HAUS6: variants seen among roughly 807,000 people sequenced by gnomAD.
HAUS6 encodes HAUS augmin-like complex subunit 6.
A neutral mutation model predicts 106.8 loss-of-function variants in HAUS6; 80 were observed. That is an observed-to-expected ratio of 0.75 (90% CI 0.63 to 0.90). HAUS6 has a LOEUF of 0.90. Ranked by LOEUF, HAUS6 falls within the 40% of genes least tolerant of loss-of-function variation. The pLI is 0.00. For missense variants in HAUS6, 1,155 were observed against 1,118.1 expected (o/e 1.03, Z -0.47); for synonymous variants, 356 against 379.1 (o/e 0.94, Z 0.71).
At position 19,098,890 on chromosome 9, in the gene HAUS6, C is replaced by T. The variant is rs564884938; in HGVS notation, c.129-2121G>A. ...ATACAAAATTAGCAGGGCATGGTGGCGCATGCCTAAAATCCCAGCTACTCC... is the reference window on the plus strand; with the variant it reads ...ATACAAAATTAGCAGGGCATGGTGGTGCATGCCTAAAATCCCAGCTACTCC... On this transcript the variant is annotated intron_variant, in intron 1 of 16. Transcript: ENST00000380502. Among the ~76,000 whole-genome samples, 32 of 151,798 alleles carry T rather than the reference C, an allele frequency of 2.1e-4. 1 individual carries two copies. The South Asian group carries it at 4.6e-3, about 22-fold the overall frequency.
chr9:19,078,113 T>A, intron 10 of HAUS6, 63 bp downstream of exon 10: 2 of 1,297,788 alleles, frequency 1.5e-6, no homozygotes, highest in African/African-American at 1.5e-5. Flanking sequence ...AGCAAGACAC[T>A]GTCTCAAAAA....
chr9:19,081,678 AT>A (rs1266339973), intron 8 of HAUS6, among the ~76,000 whole-genome samples: 2 of 152,084 alleles, frequency 1.3e-5, no homozygotes, highest in African/African-American at 2.4e-5. Context: ...ACCGCAAGTG[AT>A]CTACCCTCCT....
Position 19,063,003 on chromosome 9 carries a change from C to G in HAUS6, c.1629+5G>C. On this transcript the variant is annotated splice_donor_5th_base_variant and intron_variant, in intron 14 of 16. Coordinates refer to ENST00000380502, the MANE Select transcript of HAUS6 (RefSeq NM_017645.5). ...TTAAGTATACTCATTACAGTCTTTT[C>G]TCACCTCTTCTACCAGATGATCTTG... is the stretch of plus-strand genomic sequence containing the variant. The G allele has an allele frequency of 2.5e-6, 4 of 1,601,880 alleles. No homozygotes were observed. The highest frequency in any genetic ancestry group is 3.4e-6 in the Non-Finnish European group (4 of 1,171,270).
Position 19,078,168 on chromosome 9 carries a change from T to C in HAUS6, c.1191+8A>G. Reference sequence around the variant, plus strand: ...CGGGGAGGGCAGGGGCAAGTCAACATTACTTACTGGAGTCCAACCTTTAAT... The same window carrying C: ...CGGGGAGGGCAGGGGCAAGTCAACACTACTTACTGGAGTCCAACCTTTAAT... On this transcript the variant is annotated splice_region_variant and intron_variant, in intron 10 of 16. Coordinates refer to ENST00000380502, the MANE Select transcript of HAUS6 (RefSeq NM_017645.5). 1 of 1,597,886 alleles carries C rather than the reference T, an allele frequency of 6.3e-7. No homozygotes were observed. The highest frequency in any genetic ancestry group is 1.4e-5 in the African/African-American group (1 of 73,936).
At chr9:19,067,447 A>G (rs1374699060) in intron 12 of HAUS6, among the ~76,000 whole-genome samples, 1 of 152,186 alleles carries the variant, frequency 6.6e-6, no homozygotes, top group East Asian at 1.9e-4. Flanking sequence ...TTAACCATTT[A>G]TCCCTCACCA....
chr9:19,059,051 G>A, intron 15 of HAUS6, 50 bp from the exon 16 acceptor site: 1 of 963,004 alleles, frequency 1.0e-6, no homozygotes, highest in South Asian at 1.5e-5. Flanking sequence ...CAAACATAGA[G>A]CATGCAATGA....
At chr9:19,082,782 A>T in intron 8 of HAUS6, 91 bp downstream of exon 8, 1 of 718,828 alleles carries the variant, frequency 1.4e-6, no homozygotes, top group Non-Finnish European at 2.1e-6. Flanking sequence ...AAAACAAAAA[A>T]CAAATTCTGA....
At chr9:19,087,303 A>G in intron 5 of HAUS6, 147 bp from the exon 6 acceptor site, 1 of 613,934 alleles carries the variant, frequency 1.6e-6, no homozygotes, top group East Asian at 2.6e-5. Context: ...TCTCTTTATC[A>G]CACAAGTGAT....
Position 19,089,439 on chromosome 9 carries a change from A to G in HAUS6, c.557T>C (p.Val186Ala). The change falls in exon 5 of 17, where the codon GTT becomes GCT. Residue 186 changes from valine (V) to alanine (A), a missense_variant. Val to Ala is a moderately conservative substitution (Grantham distance 64). Coordinates refer to ENST00000380502, the MANE Select transcript of HAUS6 (RefSeq NM_017645.5). Reference sequence around the variant, plus strand: ...TGCATTTTCCTGATATTTTTGGGTAACACAATCTTGTCTTTGCAAAATTTG... The same window carrying G: ...TGCATTTTCCTGATATTTTTGGGTAGCACAATCTTGTCTTTGCAAAATTTG... ...FLQILQRQDC[V>A]TQKYQENAQL... 1.2e-6 allele frequency: 2 copies of G among 1,611,106 alleles called. No homozygotes were observed. Among genetic ancestry groups the G allele is most frequent in the Non-Finnish European group, 1.7e-6 (2 of 1,177,280 alleles).
chr9:19,083,593 G>A (rs1280378766), intron 7 of HAUS6, among the ~76,000 whole-genome samples: 1 of 151,978 alleles, frequency 6.6e-6, no homozygotes, highest in South Asian at 2.1e-4. Flanking sequence ...ACGAGGTCAG[G>A]AGATAGAGAC....
At chr9:19,057,643 G>A (rs1836502049) in intron 16 of HAUS6, 3 of 358,180 alleles carry the variant, frequency 8.4e-6, no homozygotes, top group Non-Finnish European at 1.5e-5. Flanking sequence ...GGTTTCTCAA[G>A]TGTTTAAAAA....
chr9:19,063,005 C>T lies in HAUS6; in HGVS notation c.1629+3G>A. 6.2e-7 allele frequency: 1 copy of T among 1,603,768 alleles called. No homozygotes were observed. The highest frequency in any genetic ancestry group is 8.5e-7 in the Non-Finnish European group (1 of 1,172,948). ...AAGTATACTCATTACAGTCTTTTCTCACCTCTTCTACCAGATGATCTTGCT... is the reference window on the plus strand; with the variant it reads ...AAGTATACTCATTACAGTCTTTTCTTACCTCTTCTACCAGATGATCTTGCT... On this transcript the variant is annotated splice_donor_region_variant and intron_variant, in intron 14 of 16. Transcript: ENST00000380502.
rs774179567 is a variant in HAUS6, at chr9:19,070,290, C to T, written c.1305G>A (p.Lys435=). ...TGCAACCATTTTCTTGGTTATGTTG[C>T]TTATGTGCATCTAAAGAAATTTAAA... is the stretch of plus-strand genomic sequence containing the variant. ...QYPASLPDAH[K]QHNQENGCRG... Residue 435 remains lysine, a synonymous_variant, in exon 12 of 17, where the codon AAG becomes AAA. Transcript: ENST00000380502. 10 of 1,576,264 alleles carry T rather than the reference C, an allele frequency of 6.3e-6. No individual in the cohort carries two copies. Among genetic ancestry groups the T allele is most frequent in the Non-Finnish European group, 8.7e-6 (10 of 1,146,172 alleles).
intron 2 of HAUS6, among the ~76,000 whole-genome samples, chr9:19,095,466 C>A: frequency 6.7e-6 from 1 of 148,970 alleles, no homozygotes; most frequent in Non-Finnish European, 1.5e-5. Flanking sequence ...CCTATATTTT[C>A]TGAATTACTT....
At position 19,058,903 on chromosome 9, in the gene HAUS6, G is replaced by C; in HGVS notation, c.1864C>G (p.Pro622Ala). The C allele has an allele frequency of 6.3e-7, 1 of 1,583,182 alleles. No individual in the cohort carries two copies. Among genetic ancestry groups the C allele is most frequent in the Non-Finnish European group, 8.7e-7 (1 of 1,151,770 alleles). Residue 622 changes from proline to alanine, a missense_variant, in exon 16 of 17, where the codon CCA becomes GCA. Physicochemically the swap from Pro to Ala is conservative, Grantham distance 27 (BLOSUM62 -1). This residue lies in a region of HAUS6 where 380 missense variants were observed against 394.8 expected (regional missense o/e 0.96). Transcript: ENST00000380502. ...QMDAEHREVLPESLPVLHNQR... is the reference protein window; with the variant it reads ...QMDAEHREVLAESLPVLHNQR... ...TTGTGCAACACAGGTAATGATTCTG[G>C]CAATACTTCTCTATGTTCAGCATCC...
At chr9:19,096,564 C>CA (rs370743421) in intron 2 of HAUS6, 110 bp downstream of exon 2, 8,752 of 265,956 alleles carry the variant, frequency 0.033, 104 homozygotes, top group African/African-American at 0.06. Flanking sequence ...GACTCCGTCT[C>CA]AAAAAAAAAA....
At chr9:19,095,762 T>G (rs1360756393) in intron 2 of HAUS6, among the ~76,000 whole-genome samples, 2 of 152,188 alleles carry the variant, frequency 1.3e-5, no homozygotes, top group Non-Finnish European at 2.9e-5. Flanking sequence ...CTTTTTTAGA[T>G]AGCAGAAACA....
intron 5 of HAUS6, among the ~76,000 whole-genome samples, chr9:19,088,807 G>A (rs763108770): frequency 6.8e-6 from 1 of 147,890 alleles, no homozygotes; most frequent in Non-Finnish European, 1.5e-5. Flanking sequence ...GAACCCAGAA[G>A]GTGGAGGTTG....
chr9:19,097,392 C>G (rs1156805299), intron 1 of HAUS6, among the ~76,000 whole-genome samples: 1 of 151,960 alleles, frequency 6.6e-6, no homozygotes, highest in Non-Finnish European at 1.5e-5. Context: ...TGAACTCAAA[C>G]AAATTTACAA....
Sources: allele counts gnomAD v4.1 joint callset (sites outside exome capture counted in the v4.1 genomes callset), GRCh38; gene constraint gnomAD v4.1.1; regional missense constraint gnomAD v4.1.1; transcripts MANE v1.5; gene names NCBI Gene and HGNC (gene_info 2026-07-23, HGNC 2026-07-21).